The following GRIA1 variants were observed in gnomAD, a reference collection of about 807,000 sequenced individuals.
The protein encoded by GRIA1 is glutamate receptor 1.
A neutral mutation model predicts 99.2 loss-of-function variants in GRIA1; 31 were observed. That is an observed-to-expected ratio of 0.31 (90% CI 0.23 to 0.42). GRIA1 has a LOEUF of 0.42. Among genes scored for constraint, GRIA1 ranks in the 10% least tolerant of loss-of-function variants. The pLI, the probability that GRIA1 is intolerant of heterozygous loss-of-function variation, is 1.00. For missense variants in GRIA1, 782 were observed against 1,157.5 expected (o/e 0.68, Z 4.71); for synonymous variants, 438 against 432.4 (o/e 1.01, Z -0.16).
intron 2 of GRIA1, among the ~76,000 whole-genome samples, chr5:153,505,747 G>C (rs948622202): frequency 1.3e-5 from 2 of 152,212 alleles, no homozygotes; most frequent in Non-Finnish European, 2.9e-5. Flanking sequence ...TCTCCATGGA[G>C]CACTATTGTA....
intron 2 of GRIA1, among the ~76,000 whole-genome samples, chr5:153,544,615 T>A (rs1759438389): frequency 6.6e-6 from 1 of 152,160 alleles, no homozygotes; most frequent in South Asian, 2.1e-4. Flanking sequence ...ATAAAATAAA[T>A]TACCAACCAG....
chr5:153,734,118 T>A (rs1581563571), intron 11 of GRIA1, among the ~76,000 whole-genome samples: 1 of 152,322 alleles, frequency 6.6e-6, no homozygotes, highest in South Asian at 2.1e-4. Flanking sequence ...TTCCCTTCTC[T>A]GCCCCATTTT....
intron 11 of GRIA1, among the ~76,000 whole-genome samples, chr5:153,716,863 A>G (rs1759700036): frequency 6.6e-6 from 1 of 152,230 alleles, no homozygotes; most frequent in South Asian, 2.1e-4. Context: ...GGTAAATTCC[A>G]TTTGTCCTAT....
chr5:153,632,716 T>G (rs1204828303), intron 2 of GRIA1, among the ~76,000 whole-genome samples: 1 of 152,142 alleles, frequency 6.6e-6, no homozygotes, highest in Non-Finnish European at 1.5e-5. Context: ...TTATTGAACA[T>G]CTACTATGTC....
chr5:153,724,827 G>T (rs1202871019), intron 11 of GRIA1, among the ~76,000 whole-genome samples: 1 of 152,172 alleles, frequency 6.6e-6, no homozygotes, highest in Non-Finnish European at 1.5e-5. Flanking sequence ...CACTCTGCAG[G>T]ATATTATCCA....
In GRIA1 at chr5:153,674,506, A is replaced by G. The variant is rs767402806; in HGVS notation, c.706A>G (p.Met236Val). The G allele has an allele frequency of 6.2e-7, 1 of 1,614,110 alleles. No homozygotes were observed. Among genetic ancestry groups the G allele is most frequent in the Non-Finnish European group, 8.5e-7 (1 of 1,179,966 alleles). ...CCTCCTCCCCCTCTCACAGGGCTTC[A>G]TGGACATTGACTTAAACAAATTCAA... ...YHYILANLGFMDIDLNKFKES... is the reference protein window; with the variant it reads ...YHYILANLGFVDIDLNKFKES... The change falls in exon 6 of 16, where the codon ATG (methionine) becomes GTG (valine). Residue 236 changes from methionine (M) to valine (V), a missense_variant. Met to Val is a conservative substitution (Grantham distance 21). Around this residue, in one of 5 missense-constraint regions of GRIA1, gnomAD observed 461 missense variants for 521.7 expected, o/e 0.88. Transcript: ENST00000285900.
Position 153,769,688 on chromosome 5 carries a change from C to A in GRIA1, c.2023-480C>A, listed in dbSNP as rs191733644. ...TGCCATCAAAAGTAATGGCAAAAAA[C>A]CTCAATTACTTTTGCATCAACCTAA... On this transcript the variant is annotated intron_variant, in intron 12 of 15. Coordinates refer to ENST00000285900, the MANE Select transcript of GRIA1 (RefSeq NM_000827.4). Among the ~76,000 whole-genome samples, 43 of 151,098 alleles carry A rather than the reference C, an allele frequency of 2.8e-4. No homozygotes were observed. The East Asian group carries it at 7.7e-3, about 27-fold the overall frequency.
chr5:153,591,106 T>G (rs1357577736), intron 2 of GRIA1, among the ~76,000 whole-genome samples: 2 of 152,194 alleles, frequency 1.3e-5, no homozygotes, highest in Non-Finnish European at 2.9e-5. Flanking sequence ...TCAGAATGAA[T>G]CTGAAGAGAG....
intron 7 of GRIA1, among the ~76,000 whole-genome samples, chr5:153,680,833 T>C (rs890245830): frequency 6.6e-6 from 1 of 152,170 alleles, no homozygotes; most frequent in Non-Finnish European, 1.5e-5. Flanking sequence ...CAGCAAGGCT[T>C]TCTGTAGGAA....
intron 7 of GRIA1, among the ~76,000 whole-genome samples, chr5:153,678,422 G>A (rs976759938): frequency 2.0e-5 from 3 of 152,122 alleles, no homozygotes; most frequent in African/African-American, 7.2e-5. Context: ...AGCTACATGA[G>A]GAACATGCTA....
chr5:153,524,976 C>T (rs1418770066), intron 2 of GRIA1, among the ~76,000 whole-genome samples: 1 of 152,152 alleles, frequency 6.6e-6, no homozygotes, highest in Non-Finnish European at 1.5e-5. Flanking sequence ...AAATAGTGAA[C>T]AGATACATTC....
intron 2 of GRIA1, among the ~76,000 whole-genome samples, chr5:153,601,164 A>C (rs1764922113): frequency 6.6e-6 from 1 of 152,208 alleles, no homozygotes; most frequent in African/African-American, 2.4e-5. Context: ...TAGCACTTTA[A>C]GTATTTTGCT....
intron 2 of GRIA1, among the ~76,000 whole-genome samples, chr5:153,604,861 G>A (rs937249193): frequency 3.3e-5 from 5 of 152,258 alleles, no homozygotes; most frequent in Admixed American, 3.3e-4. Flanking sequence ...CATTAAGAGA[G>A]TGAAAATGCA....
intron 11 of GRIA1, among the ~76,000 whole-genome samples, chr5:153,718,978 A>G (rs1759853773): frequency 1.3e-5 from 2 of 152,194 alleles, no homozygotes; most frequent in African/African-American, 4.8e-5. Context: ...CCACTTTGCT[A>G]GTGTTACTCA....
In GRIA1 at chr5:153,794,755, A is replaced by C; in HGVS notation, c.2385+20A>C. On this transcript the variant is annotated intron_variant, in intron 14 of 15. Coordinates refer to ENST00000285900, the MANE Select transcript of GRIA1 (RefSeq NM_000827.4). ...TCCAAGGTCAGCCCCAGTAAGAAAA[A>C]AAAAAACCTAGTGGGTATGAAATAG... The C allele has an allele frequency of 6.8e-7, 1 of 1,472,608 alleles. No individual in the cohort carries two copies. Among genetic ancestry groups the C allele is most frequent in the Non-Finnish European group, 9.5e-7 (1 of 1,058,172 alleles). The allele number at this position is 1,472,608 out of a possible 1,614,324, so 91.2% of individuals were successfully genotyped here.
At chr5:153,517,593 G>C (rs373690362) in intron 2 of GRIA1, among the ~76,000 whole-genome samples, 13 of 152,294 alleles carry the variant, frequency 8.5e-5, no homozygotes, top group South Asian at 4.1e-4. Flanking sequence ...CTGGAGATGC[G>C]TTCACTAATC....
chr5:153,802,004 T>C (rs903841873), intron 14 of GRIA1, among the ~76,000 whole-genome samples: 2 of 151,960 alleles, frequency 1.3e-5, no homozygotes, highest in Non-Finnish European at 2.9e-5. Context: ...ACATGGTTTT[T>C]TGAAAGAATG....
chr5:153,730,023 C>A (rs1437285745), intron 11 of GRIA1, among the ~76,000 whole-genome samples: 3 of 152,082 alleles, frequency 2.0e-5, no homozygotes, highest in Non-Finnish European at 4.4e-5. Flanking sequence ...GTGGGGCTAG[C>A]TCTCTTATCC....
At chr5:153,699,501 C>T (rs1758358725) in intron 10 of GRIA1, among the ~76,000 whole-genome samples, 1 of 152,214 alleles carries the variant, frequency 6.6e-6, no homozygotes, top group Non-Finnish European at 1.5e-5. Context: ...CCAATTCAGT[C>T]AAATGCCCCT....
Sources: allele counts gnomAD v4.1 joint callset (sites outside exome capture counted in the v4.1 genomes callset), GRCh38; gene constraint gnomAD v4.1.1; regional missense constraint gnomAD v4.1.1; transcripts MANE v1.5; gene names NCBI Gene and HGNC (gene_info 2026-07-23, HGNC 2026-07-21).